Variants in PACRG observed in about 807,000 individuals in gnomAD.
The protein encoded by PACRG is parkin coregulated.
PACRG carries 29 observed loss-of-function variants against 29.7 expected under a neutral mutation model. The observed-to-expected ratio is 0.98, with a 90% CI of 0.73 to 1.33. The LOEUF (loss-of-function observed/expected upper bound fraction) is 1.33. Ranked by LOEUF, PACRG falls within the 40% of genes most tolerant of loss-of-function variation. The probability of loss-of-function intolerance (pLI) is 0.00; values close to 1 mark genes in which losing one functional copy is unlikely to be tolerated. For synonymous variants in PACRG, 116 were observed against 118.7 expected, an observed-to-expected ratio of 0.98 and a Z score of 0.15; for missense variants, 279 against 316.2, an observed-to-expected ratio of 0.88 and a Z score of 0.89.
chr6:162,767,919 A>G (rs1297399007), intron 1 of PACRG, among the ~76,000 whole-genome samples: 1 of 152,030 alleles, frequency 6.6e-6, no homozygotes, highest in Non-Finnish European at 1.5e-5. Flanking sequence ...ATGTTAGAAT[A>G]ATCAAACTGC....
In PACRG at chr6:163,279,101, G is replaced by A. The variant is rs9456851; in HGVS notation, c.614-35726G>A. On this transcript the variant is annotated intron_variant, in intron 4 of 4. Transcript: ENST00000366888. ...TTAGTTTTTTCTTTTTGCACCTCTT[G>A]TGAAAGGGGTTGAGTTCCCGATTTG... 6.9e-3 allele frequency among the ~76,000 whole-genome samples: 1,055 copies of A among 152,250 alleles called. 14 individuals are homozygous for A. Among genetic ancestry groups the A allele is most frequent in the African/African-American group, 0.024 (986 of 41,546 alleles).
At chr6:163,216,122 A>T (rs763576874) in intron 4 of PACRG, among the ~76,000 whole-genome samples, 15 of 152,212 alleles carry the variant, frequency 9.9e-5, no homozygotes, top group Non-Finnish European at 2.1e-4. Context: ...CTGTGTCCAG[A>T]GGACGTGAGA....
intron 2 of PACRG, among the ~76,000 whole-genome samples, chr6:162,880,935 A>G (rs1793785761): frequency 6.6e-6 from 1 of 152,186 alleles, no homozygotes; most frequent in South Asian, 2.1e-4. Flanking sequence ...ACTGCATTAG[A>G]TGTGCTGGAT....
At chr6:162,978,016 C>T (rs550133526) in intron 2 of PACRG, among the ~76,000 whole-genome samples, 16 of 151,684 alleles carry the variant, frequency 1.1e-4, no homozygotes, top group East Asian at 5.8e-4. Context: ...TGTTGGCAGG[C>T]GCCTGTAATC....
chr6:163,013,262 G>GTTTATTTATTTATTTATTTATTTA lies in PACRG; in HGVS notation c.292-48880_292-48857dup, dbSNP rs145596005. Among the ~76,000 whole-genome samples, 262 of 150,186 alleles carry GTTTATTTATTTATTTATTTATTTA rather than the reference G, an allele frequency of 1.7e-3. 4 individuals carry two copies. The highest frequency in any genetic ancestry group is 6.0e-3 in the African/African-American group (242 of 40,666). On this transcript the variant is annotated intron_variant, in intron 2 of 4. Transcript: ENST00000366888. The stretch of plus-strand genomic sequence containing the variant: ...AACCTGGATGGTAATTTGACTTAAA[G>GTTTATTTATTTATTTATTTATTTA]TTTATTTATTTATTTATTTATTTAT...
Position 162,906,313 on chromosome 6 carries a change from T to C in PACRG, c.291+92032T>C, listed in dbSNP as rs568561060. Among the ~76,000 whole-genome samples, 67 of 152,310 alleles carry C rather than the reference T, an allele frequency of 4.4e-4. 1 individual carries two copies. In the South Asian group the frequency reaches 0.013, roughly 30 times the overall value. ...TCAATCCTCTTCCTCTGAAATAAAA[T>C]CTTCTGTAAAGGTAATAGTATTTGT... On this transcript the variant is annotated intron_variant, in intron 2 of 4. Coordinates refer to ENST00000366888, the MANE Select transcript of PACRG (RefSeq NM_001080379.2).
chr6:163,155,325 G>T (rs937870151), intron 4 of PACRG, among the ~76,000 whole-genome samples: 1 of 152,256 alleles, frequency 6.6e-6, no homozygotes, highest in Non-Finnish European at 1.5e-5. Flanking sequence ...AGCTGGGAGG[G>T]TCATTCCAAC....
chr6:162,994,703 A>T (rs2128189109), intron 2 of PACRG, among the ~76,000 whole-genome samples: 1 of 142,910 alleles, frequency 7.0e-6, no homozygotes, highest in African/African-American at 2.9e-5. Context: ...CCCGTAGCTC[A>T]GAGTAATTTG....
At chr6:163,245,213 T>C (rs1473632012) in intron 4 of PACRG, 2 of 255,636 alleles carry the variant, frequency 7.8e-6, no homozygotes, top group Admixed American at 4.8e-5. Flanking sequence ...AGTAATAGTT[T>C]ATTATGGCTT....
intron 1 of PACRG, among the ~76,000 whole-genome samples, chr6:162,786,939 C>T (rs770147946): frequency 4.6e-5 from 7 of 151,792 alleles, no homozygotes; most frequent in East Asian, 1.9e-4. Flanking sequence ...ATATAGCGCA[C>T]GATAAACTAT....
At chr6:163,139,289 T>C (rs1817061043) in intron 4 of PACRG, among the ~76,000 whole-genome samples, 1 of 152,042 alleles carries the variant, frequency 6.6e-6, no homozygotes. Context: ...TTCCCTCTCA[T>C]AAGGACACTG....
intron 4 of PACRG, among the ~76,000 whole-genome samples, chr6:163,148,993 C>T (rs1777948136): frequency 7.9e-6 from 1 of 126,140 alleles, no homozygotes; most frequent in African/African-American, 3.1e-5. Context: ...GGAAAAATGT[C>T]CCTGACGTCT....
At chr6:162,858,210 G>C (rs879560051) in intron 2 of PACRG, among the ~76,000 whole-genome samples, 1 of 152,078 alleles carries the variant, frequency 6.6e-6, no homozygotes, top group South Asian at 2.1e-4. Flanking sequence ...TCCACATGGC[G>C]GGGGAGGCCT....
intron 4 of PACRG, among the ~76,000 whole-genome samples, chr6:163,131,271 GCAC>G (rs1816725506): frequency 1.3e-5 from 2 of 150,678 alleles, no homozygotes; most frequent in East Asian, 3.9e-4. Context: ...TCACGCCACT[GCAC>G]TCACTCCAGC....
chr6:162,952,269 A>G (rs922675084), intron 2 of PACRG, among the ~76,000 whole-genome samples: 11 of 152,234 alleles, frequency 7.2e-5, no homozygotes, highest in African/African-American at 2.7e-4. Context: ...ATTGTAGGTC[A>G]TGAAATAGTC....
rs141823464 is a variant in PACRG at position 163,098,229 on chromosome 6, G to T, written c.613+8821G>T. Among the ~76,000 whole-genome samples the T allele has an allele frequency of 3.9e-3, 599 of 152,270 alleles. 5 individuals are homozygous for T. Among genetic ancestry groups the T allele is most frequent in the African/African-American group, 0.013 (554 of 41,556 alleles). ...AAGGAACTGCAGTATGGAAACAGCA[G>T]CTCAGGATGGAGCTGGAACTGGCAC... On this transcript the variant is annotated intron_variant, in intron 4 of 4. Coordinates refer to ENST00000366888, the MANE Select transcript of PACRG (RefSeq NM_001080379.2).
chr6:163,186,424 C>CAT (rs1398762655), intron 4 of PACRG, among the ~76,000 whole-genome samples: 3 of 151,934 alleles, frequency 2.0e-5, no homozygotes, highest in East Asian at 3.9e-4. Flanking sequence ...CACACACACA[C>CAT]GCAGACACAG....
intron 2 of PACRG, among the ~76,000 whole-genome samples, chr6:162,960,128 G>GA: frequency 6.6e-6 from 1 of 152,138 alleles, no homozygotes; most frequent in Non-Finnish European, 1.5e-5. Flanking sequence ...AAGCTGTGGA[G>GA]AAAAAAGAAA....
intron 2 of PACRG, among the ~76,000 whole-genome samples, chr6:162,975,588 A>G (rs1001276295): frequency 6.6e-6 from 1 of 152,114 alleles, no homozygotes; most frequent in African/African-American, 2.4e-5. Flanking sequence ...AACACTTTTC[A>G]CTGAAGATAA....
Sources: gnomAD v4.1 joint callset for allele counts (sites outside exome capture counted in the v4.1 genomes callset) on GRCh38, gnomAD v4.1.1 for gene constraint, MANE v1.5 for transcripts, NCBI Gene and HGNC (gene_info 2026-07-23, HGNC 2026-07-21) for gene names.